The following RAPGEF4 variants were observed in gnomAD, a reference collection of about 807,000 sequenced individuals.
RAPGEF4 encodes the protein Rap guanine nucleotide exchange factor 4.
A neutral mutation model predicts 147.9 loss-of-function variants in RAPGEF4; 66 were observed. That is an observed-to-expected ratio of 0.45 (90% CI 0.37 to 0.55). The LOEUF is 0.55. Ranked by LOEUF, RAPGEF4 falls within the 20% of genes least tolerant of loss-of-function variation. RAPGEF4 has a pLI of 0.00. For missense variants in RAPGEF4, 1,071 were observed against 1,257.3 expected, an observed-to-expected ratio of 0.85 and a Z score of 2.24; for synonymous variants, 419 against 442.7, an observed-to-expected ratio of 0.95 and a Z score of 0.67.
At chr2:172,992,553 T>G (rs1194343773) in intron 15 of RAPGEF4, among the ~76,000 whole-genome samples, 3 of 152,246 alleles carry the variant, frequency 2.0e-5, no homozygotes, top group Non-Finnish European at 4.4e-5. Context: ...GCTTGACTTC[T>G]TCATGTCATT....
At chr2:172,777,735 T>C (rs905667461) in intron 1 of RAPGEF4, among the ~76,000 whole-genome samples, 6 of 152,200 alleles carry the variant, frequency 3.9e-5, no homozygotes, top group African/African-American at 1.4e-4. Context: ...TCTCCCTCTC[T>C]GCCTGTGTTC....
chr2:172,754,441 T>C (rs1489127146), intron 1 of RAPGEF4, among the ~76,000 whole-genome samples: 2 of 152,178 alleles, frequency 1.3e-5, no homozygotes, highest in African/African-American at 4.8e-5. Context: ...GAGATATCTA[T>C]AGAACTAAAA....
rs373674330 is a variant in RAPGEF4, at chr2:172,960,768, C to T, written c.546C>T (p.Leu182=). 1 of 1,603,816 alleles carries T rather than the reference C, an allele frequency of 6.2e-7. No individual in the cohort carries two copies. The highest frequency in any genetic ancestry group is 1.3e-5 in the African/African-American group (1 of 74,748). ...DRIPDKENTP[L]IEPHVPLRPA... ...AACATTTTATTTTTCAGACACCTCT[C>T]ATTGAACCTCACGTTCCTCTTCGTC... Residue 182 remains leucine (L), a synonymous_variant, in exon 7 of 31, where the codon CTC becomes CTT. Transcript: ENST00000397081.
intron 16 of RAPGEF4, among the ~76,000 whole-genome samples, chr2:173,000,948 A>G (rs999513571): frequency 6.7e-6 from 1 of 149,262 alleles, no homozygotes; most frequent in African/African-American, 2.5e-5. Flanking sequence ...TTCGTTCTGC[A>G]TGTATGGTAC....
In RAPGEF4 at chr2:172,943,728, C is replaced by A. The variant is rs145211466; in HGVS notation, c.538-17032C>A. Among the ~76,000 whole-genome samples, 13 of 152,326 alleles carry A rather than the reference C, an allele frequency of 8.5e-5. No homozygotes were observed. The East Asian group carries it at 2.1e-3, about 25-fold the overall frequency. On this transcript the variant is annotated intron_variant, in intron 6 of 30. Coordinates refer to ENST00000397081, the MANE Select transcript of RAPGEF4 (RefSeq NM_007023.4). ...CCAAAATCAGACAAGAAAACCCTTT[C>A]GCTGTCTTGCCTTTCACCCGCTGTT...
intron 1 of RAPGEF4, among the ~76,000 whole-genome samples, chr2:172,779,340 A>G (rs149216151): frequency 1.1e-3 from 173 of 152,330 alleles, no homozygotes; most frequent in African/African-American, 3.9e-3. Context: ...ACAGGAGGGT[A>G]GACTTCATTA....
At chr2:172,740,441 C>A (rs772223359) in intron 1 of RAPGEF4, among the ~76,000 whole-genome samples, 1 of 152,108 alleles carries the variant, frequency 6.6e-6, no homozygotes, top group East Asian at 1.9e-4. Context: ...TTTAAGTATT[C>A]GTGTTTCAGT....
rs957991036 is a variant in RAPGEF4 at position 172,753,049 on chromosome 2, A to G, written c.65+17001A>G. 9.2e-5 allele frequency among the ~76,000 whole-genome samples: 14 copies of G among 152,136 alleles called. 1 individual carries two copies. Among genetic ancestry groups the G allele is most frequent in the African/African-American group, 3.4e-4 (14 of 41,438 alleles). ...AGCCCTTGGTGTTCAGACGATTAAT[A>G]TATTTTTGTCTCTGTGACTGGAAGT... On this transcript the variant is annotated intron_variant, in intron 1 of 30. Transcript: ENST00000397081.
chr2:172,780,754 A>G (rs1684608616), intron 1 of RAPGEF4, among the ~76,000 whole-genome samples: 1 of 152,134 alleles, frequency 6.6e-6, no homozygotes, highest in Non-Finnish European at 1.5e-5. Flanking sequence ...ATCATTATTT[A>G]TATCCACATA....
At chr2:172,851,429 A>G (rs1692812871) in intron 4 of RAPGEF4, among the ~76,000 whole-genome samples, 1 of 152,012 alleles carries the variant, frequency 6.6e-6, no homozygotes, top group African/African-American at 2.4e-5. Flanking sequence ...TGGGGTGGAG[A>G]GTTCTGTAGC....
intron 3 of RAPGEF4, among the ~76,000 whole-genome samples, 165 bp from the exon 4 acceptor site, chr2:172,814,114 A>T (rs1324265072): frequency 1.3e-5 from 2 of 152,130 alleles, no homozygotes; most frequent in Non-Finnish European, 2.9e-5. Flanking sequence ...TTCTGTCTTG[A>T]TCTGGTTGGT....
chr2:172,768,537 G>A (rs1329696490), intron 1 of RAPGEF4, among the ~76,000 whole-genome samples: 1 of 151,648 alleles, frequency 6.6e-6, no homozygotes, highest in Non-Finnish European at 1.5e-5. Flanking sequence ...AAAAAAAGCT[G>A]TGGATTCATC....
intron 3 of RAPGEF4, among the ~76,000 whole-genome samples, chr2:172,812,667 A>G (rs1403461194): frequency 2.6e-5 from 4 of 152,244 alleles, no homozygotes; most frequent in Non-Finnish European, 4.4e-5. Flanking sequence ...CTTCGCAAAT[A>G]ACCATATATA....
chr2:173,016,731 TG>T lies in RAPGEF4; in HGVS notation c.1898+296del, dbSNP rs373258283. On this transcript the variant is annotated intron_variant, in intron 19 of 30. Transcript: ENST00000397081. ...TCCCTTAGGTTCAAGGCAGTGAATC[TG>T]GCAATAAAATGGCCAGCGGCATTTA... Among the ~76,000 whole-genome samples the T allele has an allele frequency of 2.2e-4, 33 of 152,326 alleles. 1 individual carries two copies. The highest frequency in any genetic ancestry group is 7.9e-4 in the African/African-American group (33 of 41,564).
intron 1 of RAPGEF4, among the ~76,000 whole-genome samples, chr2:172,784,174 C>T (rs1307102114): frequency 6.6e-6 from 1 of 152,034 alleles, no homozygotes. Context: ...TTATATCACC[C>T]GAGTACTTTA....
chr2:172,866,072 C>T (rs905639074), intron 4 of RAPGEF4, among the ~76,000 whole-genome samples: 2 of 152,108 alleles, frequency 1.3e-5, no homozygotes, highest in African/African-American at 2.4e-5. Context: ...CCCAGTGGAT[C>T]CTTCTCATCT....
At chr2:172,972,601 A>G (rs1690613254) in intron 10 of RAPGEF4, among the ~76,000 whole-genome samples, 1 of 152,212 alleles carries the variant, frequency 6.6e-6, no homozygotes, top group African/African-American at 2.4e-5. Context: ...ACCTGAATAA[A>G]TGATTGCATT....
At chr2:172,781,075 T>G (rs2149510684) in intron 1 of RAPGEF4, among the ~76,000 whole-genome samples, 1 of 152,320 alleles carries the variant, frequency 6.6e-6, no homozygotes, top group Admixed American at 6.5e-5. Context: ...GCATTGAAAC[T>G]CAACAGTATT....
chr2:172,782,605 G>A (rs923809796), intron 1 of RAPGEF4, among the ~76,000 whole-genome samples: 17 of 152,106 alleles, frequency 1.1e-4, no homozygotes, highest in Admixed American at 6.5e-4. Flanking sequence ...TAAGTACTAC[G>A]AAATGATTTT....
Sources: gnomAD v4.1 joint callset for allele counts (sites outside exome capture counted in the v4.1 genomes callset) on GRCh38, gnomAD v4.1.1 for gene constraint, MANE v1.5 for transcripts, NCBI Gene and HGNC (gene_info 2026-07-23, HGNC 2026-07-21) for gene names.